ORC2: variants seen among roughly 807,000 people sequenced by gnomAD.
ORC2 encodes the protein origin recognition complex subunit 2.
In ORC2, 37 loss-of-function variants were observed where a neutral mutation model predicts 77.7. That is an observed-to-expected ratio of 0.48 (90% CI 0.37 to 0.63). The LOEUF (loss-of-function observed/expected upper bound fraction) is 0.63. Ranked by LOEUF, ORC2 falls within the 20% of genes least tolerant of loss-of-function variation. The pLI is 0.00. For missense variants in ORC2, 557 were observed against 661.9 expected, an observed-to-expected ratio of 0.84 and a Z score of 1.74; for synonymous variants, 201 against 229.5, an observed-to-expected ratio of 0.88 and a Z score of 1.12.
At chr2:200,959,949 C>T (rs1020943222) in intron 1 of ORC2, among the ~76,000 whole-genome samples, 1 of 151,086 alleles carries the variant, frequency 6.6e-6, no homozygotes, top group Admixed American at 6.6e-5. Flanking sequence ...ATAGTCTACT[C>T]GGATTGGGCA....
chr2:200,935,628 C>A, intron 9 of ORC2, 71 bp downstream of exon 9: 2 of 1,026,134 alleles, frequency 1.9e-6, no homozygotes, highest in East Asian at 2.6e-5. Context: ...AGATGTGGAT[C>A]TCTTAGGGTA....
At chr2:200,963,450 A>T (rs1239776120) in intron 1 of ORC2, 40 bp downstream of exon 1, 2 of 398,518 alleles carry the variant, frequency 5.0e-6, no homozygotes, top group African/African-American at 2.1e-5. Context: ...CGAGCTAAGC[A>T]GAAAAGGGAG....
intron 4 of ORC2, among the ~76,000 whole-genome samples, chr2:200,953,010 G>T (rs1428569853): frequency 6.6e-6 from 1 of 151,152 alleles, no homozygotes; most frequent in Non-Finnish European, 1.5e-5. Context: ...TACTCAGGAG[G>T]CTTAGGTGGG....
chr2:200,931,309 T>A lies in ORC2; in HGVS notation c.917+30A>T, dbSNP rs757377466. 4.3e-6 allele frequency: 4 copies of A among 921,882 alleles called. No individual in the cohort carries two copies. The East Asian group carries it at 1.2e-4, about 27-fold the overall frequency. 57.1% of individuals were successfully genotyped at this position (921,882 alleles called of 1,614,324 possible). On this transcript the variant is annotated intron_variant, in intron 11 of 17. Transcript: ENST00000234296. ...GATTCATGTAAATATTATTCTTTAT[T>A]TTACAAGGGTTTGTAATGATAATAC...
chr2:200,959,839 G>C (rs1390017994), intron 1 of ORC2, among the ~76,000 whole-genome samples: 1 of 151,964 alleles, frequency 6.6e-6, no homozygotes, highest in African/African-American at 2.4e-5. Flanking sequence ...CTGAGGCAGG[G>C]GGATCCCTTG....
At chr2:200,960,563 G>A (rs1467245301) in intron 1 of ORC2, among the ~76,000 whole-genome samples, 1 of 152,002 alleles carries the variant, frequency 6.6e-6, no homozygotes, top group Non-Finnish European at 1.5e-5. Context: ...GTGAGGCACT[G>A]TATTAGGCAC....
chr2:200,963,574 C>A lies in ORC2; in HGVS notation c.-144G>T. 1 of 398,594 alleles carries A rather than the reference C, an allele frequency of 2.5e-6. No individual in the cohort carries two copies. Among genetic ancestry groups the A allele is most frequent in the Non-Finnish European group, 4.4e-6 (1 of 226,024 alleles). 24.7% of individuals were successfully genotyped at this position (398,594 alleles called of 1,614,324 possible). A position where few individuals can be genotyped will look rare whatever the true frequency, so the allele number is the denominator to read the frequency against. ...TGAGTCGCCGCCGCAGGGAAGGTAC[C>A]TTCGGCCCCAACGGGAAAAGCCAAT... On this transcript the variant is annotated 5_prime_UTR_variant, in exon 1 of 18. In the 5' UTR this introduces an upstream ATG that the reference lacks. Coordinates refer to ENST00000234296, the MANE Select transcript of ORC2 (RefSeq NM_006190.5).
intron 9 of ORC2, 61 bp from the exon 10 acceptor site, chr2:200,934,035 T>G: frequency 6.3e-6 from 5 of 796,062 alleles, no homozygotes; most frequent in Non-Finnish European, 1.0e-5. Flanking sequence ...ATATCAAAAT[T>G]AGACAGTAAT....
intron 15 of ORC2, among the ~76,000 whole-genome samples, chr2:200,916,558 A>G (rs1258053127): frequency 1.3e-5 from 2 of 152,282 alleles, no homozygotes; most frequent in South Asian, 2.1e-4. Context: ...TGGACCCTCA[A>G]CTTTACACAC....
At chr2:200,950,899 T>A (rs1385557322) in intron 4 of ORC2, among the ~76,000 whole-genome samples, 5 of 152,214 alleles carry the variant, frequency 3.3e-5, no homozygotes, top group African/African-American at 1.2e-4. Flanking sequence ...AGAGGCGTCT[T>A]AAATTTGTAT....
At chr2:200,957,983 T>C (rs780594637) in intron 3 of ORC2, 47 bp downstream of exon 3, 8 of 1,160,264 alleles carry the variant, frequency 6.9e-6, no homozygotes, top group South Asian at 2.6e-5. Flanking sequence ...AAATAATCCA[T>C]AAACATTATA....
chr2:200,956,358 T>G (rs1018925152), intron 4 of ORC2, among the ~76,000 whole-genome samples: 5 of 152,106 alleles, frequency 3.3e-5, no homozygotes, highest in African/African-American at 7.2e-5. Flanking sequence ...GCCTCACTCA[T>G]AGCTGGGACC....
At chr2:200,927,717 A>T (rs547463760) in intron 11 of ORC2, among the ~76,000 whole-genome samples, 16 of 147,620 alleles carry the variant, frequency 1.1e-4, no homozygotes, top group East Asian at 4.2e-4. Flanking sequence ...ATTAATAATA[A>T]TTTTTTTTTT....
chr2:200,936,383 G>C (rs769496499), intron 8 of ORC2, among the ~76,000 whole-genome samples: 4 of 152,184 alleles, frequency 2.6e-5, no homozygotes, highest in Non-Finnish European at 4.4e-5. Context: ...GGCAGCTTCT[G>C]AGAAGGATTT....
At position 200,910,841 on chromosome 2, in the gene ORC2, CT is replaced by C. The variant is rs2040538536; in HGVS notation, c.*459del. The C allele has an allele frequency of 6.4e-6, 1 of 155,372 alleles. No homozygotes were observed. The highest frequency in any genetic ancestry group is 1.4e-5 in the Non-Finnish European group (1 of 69,996). 9.6% of individuals were successfully genotyped at this position (155,372 alleles called of 1,614,324 possible). On this transcript the variant is annotated 3_prime_UTR_variant, in exon 18 of 18. Transcript: ENST00000234296. ...GAGATGACCTGCCCTCTCCATTACA[CT>C]CGTTGGTTCTGACACACAGAATAGC... is the stretch of plus-strand genomic sequence containing the variant.
chr2:200,931,802 T>C (rs572703574), intron 10 of ORC2, among the ~76,000 whole-genome samples: 1 of 152,320 alleles, frequency 6.6e-6, no homozygotes, highest in Admixed American at 6.5e-5. Context: ...TAAACCTATA[T>C]CACTGCTCCT....
intron 17 of ORC2, among the ~76,000 whole-genome samples, chr2:200,911,836 C>T (rs1259166612): frequency 1.3e-5 from 2 of 152,216 alleles, no homozygotes; most frequent in African/African-American, 4.8e-5. Flanking sequence ...CTTCTCCAAG[C>T]AAGTTGGCTA....
intron 15 of ORC2, among the ~76,000 whole-genome samples, chr2:200,917,547 TGTG>T (rs2040677394): frequency 6.6e-6 from 1 of 152,250 alleles, no homozygotes; most frequent in Non-Finnish European, 1.5e-5. Flanking sequence ...ATTTGAGTCT[TGTG>T]GTGATGGTAC....
intron 15 of ORC2, among the ~76,000 whole-genome samples, chr2:200,918,448 T>C (rs2124938417): frequency 6.6e-6 from 1 of 152,256 alleles, no homozygotes; most frequent in Admixed American, 6.5e-5. Flanking sequence ...AGAAATTGTC[T>C]CTGCTAGACT....
Sources: allele counts gnomAD v4.1 joint callset (sites outside exome capture counted in the v4.1 genomes callset), GRCh38; gene constraint gnomAD v4.1.1; transcripts MANE v1.5; gene names NCBI Gene and HGNC (gene_info 2026-07-23, HGNC 2026-07-21).